CSAG1: variants seen among roughly 807,000 people sequenced by gnomAD.
CSAG1 encodes the protein chondrosarcoma-associated gene 1 protein.
In CSAG1, 4 loss-of-function variants were observed where a neutral mutation model predicts 4.8. The ratio of observed to expected loss-of-function variants is 0.83; its 90% CI spans 0.41 to 1.90. The LOEUF is 1.90. Among genes scored for constraint, CSAG1 ranks in the 40% most tolerant of loss-of-function variants. The probability of loss-of-function intolerance (pLI) is 0.03; values close to 1 mark genes in which losing one functional copy is unlikely to be tolerated. For missense variants in CSAG1, 69 were observed against 59.5 expected (o/e 1.16, Z -0.53); for synonymous variants, 21 against 23.1 (o/e 0.91, Z 0.26).
chrX:152,729,577 C>T (rs1355254612), intron 2 of CSAG1, among the ~76,000 whole-genome samples: 2 of 112,171 alleles, frequency 1.8e-5, no homozygotes, highest in East Asian at 2.8e-4. Flanking sequence ...AAAGAAGATA[C>T]ACACATGGCA....
At chrX:152,729,085 T>G (rs1459448454) in intron 2 of CSAG1, among the ~76,000 whole-genome samples, 1 of 110,370 alleles carries the variant, frequency 9.1e-6, no homozygotes, top group African/African-American at 3.3e-5. Context: ...TGCACACATA[T>G]AGTCAGGTGA....
chrX:152,728,185 C>G lies in CSAG1; in HGVS notation c.56G>C (p.Gly19Ala). 8.3e-7 allele frequency: 1 copy of G among 1,211,277 alleles called. No homozygotes were observed. The highest frequency in any genetic ancestry group is 3.0e-5 in the East Asian group (1 of 33,846). ...PAFTVLGEAR[G>A]DQVDWSRLYR... is the part of the protein sequence containing the mutation. ...CAGTCTACTCCAGTCCACCTGGTCT[C>G]CCCGAGCTTCCCCCAGGACAGTGAA... The change falls in exon 3 of 4, where the codon GGA (glycine) becomes GCA (alanine). Residue 19 changes from glycine (G) to alanine (A), a missense_variant. Gly to Ala is a moderately conservative substitution (Grantham distance 60). Transcript: ENST00000452779.
At chrX:152,730,643 T>C (rs1312884881) in intron 2 of CSAG1, among the ~76,000 whole-genome samples, 4 of 108,479 alleles carry the variant, frequency 3.7e-5, no homozygotes, top group Non-Finnish European at 5.8e-5. Flanking sequence ...TAAAGTTGTG[T>C]TGTTTATAAG....
At chrX:152,730,011 C>CAT (rs60344977) in intron 2 of CSAG1, among the ~76,000 whole-genome samples, 22,043 of 76,507 alleles carry the variant, frequency 0.29, 3,507 homozygotes, top group South Asian at 0.35. Flanking sequence ...TATATATATA[C>CAT]ACACATACAC....
At chrX:152,730,037 A>G (rs1354116082) in intron 2 of CSAG1, among the ~76,000 whole-genome samples, 1 of 67,284 alleles carries the variant, frequency 1.5e-5, no homozygotes, top group Non-Finnish European at 3.2e-5. Context: ...CACGCATTAA[A>G]ATATGGTACA....
chrX:152,731,062 G>A (rs1169845593), intron 2 of CSAG1, among the ~76,000 whole-genome samples: 1 of 112,449 alleles, frequency 8.9e-6, no homozygotes, highest in African/African-American at 3.2e-5. Flanking sequence ...TAAAATGCAT[G>A]TTAAATTGTT....
intron 1 of CSAG1, 36 bp from the exon 2 acceptor site, chrX:152,732,540 A>G (rs1556227864): frequency 5.0e-6 from 6 of 1,200,904 alleles, no homozygotes; most frequent in Admixed American, 2.2e-5. Context: ...AAAGTAAAAA[A>G]CCAGTATTAG....
rs1360244603 is a variant in CSAG1, at chrX:152,732,564, A to G, written c.-44-60T>C. ...AACCAGTATTAGCAAGAAAATCTAC[A>G]CAACAAAACAGGGCCAGTCCAGGGT... On this transcript the variant is annotated intron_variant, in intron 1 of 3. Transcript: ENST00000452779. The G allele has an allele frequency of 1.4e-5, 16 of 1,164,916 alleles. No homozygotes were observed. In the African/African-American group the frequency reaches 1.8e-4, roughly 13 times the overall value.
At chrX:152,732,646 G>C in intron 1 of CSAG1, 142 bp from the exon 2 acceptor site, 2 of 726,026 alleles carry the variant, frequency 2.8e-6, no homozygotes, top group Non-Finnish European at 4.1e-6. Flanking sequence ...GTGTCGGTTA[G>C]AGGGGGTTAG....
rs1932058667 is a variant in CSAG1, at chrX:152,728,075, T to C, written c.166A>G (p.Arg56Gly). 1.7e-6 allele frequency: 2 copies of C among 1,211,108 alleles called. No individual in the cohort carries two copies. The highest frequency in any genetic ancestry group is 2.2e-6 in the Non-Finnish European group (2 of 895,311). ...AGAGGATGCTTTCCCCTTCCTCGCCTCTTTGGTGTTGATGGGTGGTTGTTG... is the reference window on the plus strand; with the variant it reads ...AGAGGATGCTTTCCCCTTCCTCGCCCCTTTGGTGTTGATGGGTGGTTGTTG... ...FSNNHPSTPK[R>G]FPRQPRREKG... Residue 56 changes from arginine (R) to glycine (G), a missense_variant and splice_region_variant, in exon 3 of 4, where the codon AGG becomes GGG. Physicochemically the swap from Arg to Gly is moderately radical, Grantham distance 125 (BLOSUM62 -2). Transcript: ENST00000452779.
chrX:152,729,761 T>C (rs1932115431), intron 2 of CSAG1, among the ~76,000 whole-genome samples: 1 of 110,331 alleles, frequency 9.1e-6, no homozygotes, highest in African/African-American at 3.3e-5. Flanking sequence ...CTCTCATTCA[T>C]AGCTCGTGGA....
At chrX:152,731,583 A>G (rs1556228262) in intron 2 of CSAG1, among the ~76,000 whole-genome samples, 1 of 111,678 alleles carries the variant, frequency 9.0e-6, no homozygotes, top group Non-Finnish European at 1.9e-5. Context: ...TCAAAATCAG[A>G]TGAGGACCAC....
rs1409083951 is a variant in CSAG1 at position 152,728,192 on chromosome X, C to T, written c.49G>A (p.Ala17Thr). 8.3e-7 allele frequency: 1 copy of T among 1,209,613 alleles called. No individual in the cohort carries two copies. Among genetic ancestry groups the T allele is most frequent in the African/African-American group, 1.8e-5 (1 of 57,073 alleles). ...CTCCAGTCCACCTGGTCTCCCCGAG[C>T]TTCCCCCAGGACAGTGAAGGCAGGC... ...CWPAFTVLGEARGDQVDWSRL... is the reference protein window; with the variant it reads ...CWPAFTVLGETRGDQVDWSRL... Residue 17 changes from alanine (A) to threonine (T), a missense_variant, in exon 3 of 4, where the codon GCT becomes ACT. Physicochemically the swap from Ala to Thr is moderately conservative, Grantham distance 58 (BLOSUM62 0). Coordinates refer to ENST00000452779, the MANE Select transcript of CSAG1 (RefSeq NM_001102576.3).
rs1556830460 is a variant in CSAG1 at position 152,727,651 on chromosome X, G to A, written c.*143C>T. 41 of 734,939 alleles carry A rather than the reference G, an allele frequency of 5.6e-5. No individual in the cohort carries two copies. The highest frequency in any genetic ancestry group is 3.1e-4 in the African/African-American group (15 of 47,962). The allele number at this position is 734,939 out of a possible 1,213,427, so 60.6% of individuals were successfully genotyped here. Reference sequence around the variant, plus strand: ...GCCTGGGAATTACTGGCTGCCCAAGGAAGCACTGGAGAAGGCGGTGGTCTC... The same window carrying A: ...GCCTGGGAATTACTGGCTGCCCAAGAAAGCACTGGAGAAGGCGGTGGTCTC... On this transcript the variant is annotated 3_prime_UTR_variant, in exon 4 of 4. Transcript: ENST00000452779.
chrX:152,728,319 G>A, intron 2 of CSAG1, 95 bp from the exon 3 acceptor site: 2 of 854,190 alleles, frequency 2.3e-6, no homozygotes, highest in East Asian at 6.2e-5. Flanking sequence ...AATTGGATGA[G>A]GCCTATCCAC....
chrX:152,729,613 G>A (rs1167551482), intron 2 of CSAG1, among the ~76,000 whole-genome samples: 6 of 111,825 alleles, frequency 5.4e-5, no homozygotes, highest in South Asian at 3.7e-4. Context: ...TGTACTAAGC[G>A]TGTTTTGTCA....
rs61137896 is a variant in CSAG1 at position 152,729,992 on chromosome X, TTA to T, written c.17-1770_17-1769del. Reference sequence around the variant, plus strand: ...AAATGTATTTCATTTGGTGAATGGATTATATATATATATATATACACACATAC... The same window carrying T: ...AAATGTATTTCATTTGGTGAATGGATTATATATATATATATACACACATAC... On this transcript the variant is annotated intron_variant, in intron 2 of 3. Coordinates refer to ENST00000452779, the MANE Select transcript of CSAG1 (RefSeq NM_001102576.3). 9.5e-4 allele frequency among the ~76,000 whole-genome samples: 61 copies of T among 64,526 alleles called. 4 individuals carry two copies. The highest frequency in any genetic ancestry group is 1.5e-3 in the Non-Finnish European group (47 of 31,783). The allele number at this position is 64,526 out of a possible 115,157, so 56.0% of individuals were successfully genotyped here. A position where few individuals can be genotyped will look rare whatever the true frequency, so the allele number is the denominator to read the frequency against.
chrX:152,728,867 C>G (rs1932086869), intron 2 of CSAG1, among the ~76,000 whole-genome samples: 2 of 111,710 alleles, frequency 1.8e-5, no homozygotes, highest in African/African-American at 3.3e-5. Flanking sequence ...TGTCTCTTCT[C>G]CCTTCTTATA....
intron 1 of CSAG1, among the ~76,000 whole-genome samples, 188 bp from the exon 2 acceptor site, chrX:152,732,692 G>C (rs1169479285): frequency 2.7e-5 from 3 of 112,581 alleles, no homozygotes; most frequent in Middle Eastern, 4.7e-3. Flanking sequence ...AGCCTGCCTA[G>C]ACGGCAGATA....
Sources: allele counts gnomAD v4.1 joint callset (sites outside exome capture counted in the v4.1 genomes callset), GRCh38; gene constraint gnomAD v4.1.1; transcripts MANE v1.5; gene names NCBI Gene and HGNC (gene_info 2026-07-23, HGNC 2026-07-21).